ST6GALNAC5: variants seen among roughly 807,000 people sequenced by gnomAD.
ST6GALNAC5 encodes ST6 N-acetylgalactosaminide alpha-2,6-sialyltransferase 5.
A neutral mutation model predicts 33.6 loss-of-function variants in ST6GALNAC5; 27 were observed. The observed-to-expected ratio is 0.80, with a 90% CI of 0.59 to 1.11. The LOEUF (loss-of-function observed/expected upper bound fraction) is 1.11, where lower values mean the gene tolerates loss of function less well. ST6GALNAC5 is among the 50% of genes least tolerant of loss of function. The pLI is 0.00. For synonymous variants in ST6GALNAC5, 194 were observed against 171.2 expected (o/e 1.13, Z -1.04); for missense variants, 428 against 454.0 (o/e 0.94, Z 0.52).
At chr1:76,882,923 C>A (rs918096097) in intron 2 of ST6GALNAC5, among the ~76,000 whole-genome samples, 20 of 152,088 alleles carry the variant, frequency 1.3e-4, no homozygotes, top group African/African-American at 4.8e-4. Context: ...CCAGGGATAC[C>A]GCTGCCCTCA....
chr1:77,043,649 C>T (rs114303593), intron 2 of ST6GALNAC5, among the ~76,000 whole-genome samples: 267 of 152,240 alleles, frequency 1.8e-3, no homozygotes, highest in Non-Finnish European at 3.2e-3. Flanking sequence ...GTATTTGGTA[C>T]AAACATATTT....
At chr1:76,952,514 A>C (rs1647790539) in intron 2 of ST6GALNAC5, among the ~76,000 whole-genome samples, 1 of 152,122 alleles carries the variant, frequency 6.6e-6, no homozygotes, top group East Asian at 1.9e-4. Context: ...ATTAACAATA[A>C]TACATAGATT....
At chr1:77,002,441 G>C (rs1650210554) in intron 2 of ST6GALNAC5, among the ~76,000 whole-genome samples, 1 of 152,044 alleles carries the variant, frequency 6.6e-6, no homozygotes, top group Non-Finnish European at 1.5e-5. Context: ...CAAAAAACCA[G>C]CTCCTGGATT....
intron 2 of ST6GALNAC5, among the ~76,000 whole-genome samples, chr1:76,872,068 AACACACACACACACACACACACAC>A (rs66721550): frequency 3.1e-5 from 4 of 130,222 alleles, no homozygotes; most frequent in Non-Finnish European, 4.9e-5. Flanking sequence ...TAACCAAGCT[AACACACACACACACACACACACAC>A]ACACACACAC....
chr1:76,911,911 C>G (rs148308596), intron 2 of ST6GALNAC5, among the ~76,000 whole-genome samples: 71,667 of 151,458 alleles, frequency 0.47, 17,414 homozygotes, highest in African/African-American at 0.57. Context: ...GGGCTTTTTA[C>G]GTCTCTATTT....
intron 2 of ST6GALNAC5, among the ~76,000 whole-genome samples, chr1:77,023,882 A>G (rs1023891561): frequency 6.6e-6 from 1 of 152,162 alleles, no homozygotes; most frequent in African/African-American, 2.4e-5. Context: ...TGCCATGAGC[A>G]GGTGTCCTGT....
At chr1:76,891,783 A>T (rs1449579216) in intron 2 of ST6GALNAC5, among the ~76,000 whole-genome samples, 1 of 152,178 alleles carries the variant, frequency 6.6e-6, no homozygotes, top group Non-Finnish European at 1.5e-5. Context: ...GTCCAGCTTC[A>T]TCTCTGGCAT....
intron 2 of ST6GALNAC5, among the ~76,000 whole-genome samples, chr1:76,875,928 A>G (rs541267419): frequency 6.6e-6 from 1 of 152,208 alleles, no homozygotes; most frequent in African/African-American, 2.4e-5. Flanking sequence ...GATGGGGAAC[A>G]TGGTAAGACC....
chr1:76,987,198 CAAT>C (rs752524618), intron 2 of ST6GALNAC5, among the ~76,000 whole-genome samples: 17 of 151,676 alleles, frequency 1.1e-4, no homozygotes, highest in Admixed American at 7.9e-4. Context: ...TAAACAAAAT[CAAT>C]AATAAGAAAA....
chr1:76,981,867 C>G (rs1412281136), intron 2 of ST6GALNAC5, among the ~76,000 whole-genome samples: 1 of 152,194 alleles, frequency 6.6e-6, no homozygotes, highest in African/African-American at 2.4e-5. Context: ...CCCAGGCAAA[C>G]AGGGTCTGGA....
chr1:77,016,510 C>G (rs187790556), intron 2 of ST6GALNAC5, among the ~76,000 whole-genome samples: 153 of 152,004 alleles, frequency 1.0e-3, no homozygotes, highest in Non-Finnish European at 1.3e-3. Context: ...TCATTGCACA[C>G]TCAAACATCC....
At position 76,950,604 on chromosome 1, in the gene ST6GALNAC5, T is replaced by C. The variant is rs532378290; in HGVS notation, c.261+81862T>C. On this transcript the variant is annotated intron_variant, in intron 2 of 4. Transcript: ENST00000477717. Reference sequence around the variant, plus strand: ...AAGCCAAAGACATGGGTAACAGTTATATAAGGGAGAGATGGGACCGATGTC... The same window carrying C: ...AAGCCAAAGACATGGGTAACAGTTACATAAGGGAGAGATGGGACCGATGTC... 2.6e-5 allele frequency among the ~76,000 whole-genome samples: 4 copies of C among 152,124 alleles called. No individual in the cohort carries two copies. In the East Asian group the frequency reaches 7.8e-4, roughly 30 times the overall value.
At position 77,044,447 on chromosome 1, in the gene ST6GALNAC5, A is replaced by T. The variant is rs1400167673; in HGVS notation, c.505A>T (p.Ile169Phe). Residue 169 changes from isoleucine to phenylalanine, a missense_variant, in exon 3 of 5, where the codon ATC becomes TTC. Coordinates refer to ENST00000477717, the MANE Select transcript of ST6GALNAC5 (RefSeq NM_030965.3). ...LLNVSQGTVF[I>F]FWGPSSYMRR... is the part of the protein sequence containing the mutation. The stretch of plus-strand genomic sequence containing the variant: ...CAACGTGAGCCAGGGCACCGTGTTC[A>T]TCTTCTGGGGCCCCAGCAGCTACAT... 5 of 1,613,388 alleles carry T rather than the reference A, an allele frequency of 3.1e-6. No individual in the cohort carries two copies. Among genetic ancestry groups the T allele is most frequent in the Non-Finnish European group, 4.2e-6 (5 of 1,179,652 alleles).
chr1:77,043,850 G>A (rs1160935039), intron 2 of ST6GALNAC5, among the ~76,000 whole-genome samples: 1 of 152,102 alleles, frequency 6.6e-6, no homozygotes, highest in Non-Finnish European at 1.5e-5. Context: ...GGGCAACTTT[G>A]GACAAATTTG....
rs766148616 is a variant in ST6GALNAC5, at chr1:77,061,344, CA to C, written c.780-1630del. 6.3e-3 allele frequency among the ~76,000 whole-genome samples: 963 copies of C among 152,298 alleles called. 4 individuals are homozygous for C. The highest frequency in any genetic ancestry group is 1.0e-2 in the Non-Finnish European group (677 of 68,000). Reference sequence around the variant, plus strand: ...GGTTTATTGTTGTCAGAGCCAAAAACATGACACCCCTCTTGATAAAAGACTT... The same window carrying C: ...GGTTTATTGTTGTCAGAGCCAAAAACTGACACCCCTCTTGATAAAAGACTT... On this transcript the variant is annotated intron_variant, in intron 4 of 4. Coordinates refer to ENST00000477717, the MANE Select transcript of ST6GALNAC5 (RefSeq NM_030965.3).
intron 2 of ST6GALNAC5, among the ~76,000 whole-genome samples, chr1:76,881,001 A>G (rs1365845793): frequency 6.6e-6 from 1 of 152,194 alleles, no homozygotes; most frequent in African/African-American, 2.4e-5. Context: ...GTGTGAAAGG[A>G]CTTTGAAAAA....
intron 2 of ST6GALNAC5, among the ~76,000 whole-genome samples, chr1:77,036,343 G>A (rs1367535576): frequency 6.6e-6 from 1 of 152,034 alleles, no homozygotes; most frequent in East Asian, 1.9e-4. Context: ...TCATGCTGAT[G>A]GTTGCCCAAC....
chr1:76,937,743 A>G (rs1005531720), intron 2 of ST6GALNAC5, among the ~76,000 whole-genome samples: 6 of 152,102 alleles, frequency 3.9e-5, no homozygotes, highest in African/African-American at 1.4e-4. Flanking sequence ...CACATGAAAG[A>G]AACACTTTTC....
intron 2 of ST6GALNAC5, among the ~76,000 whole-genome samples, chr1:77,022,779 T>C (rs1391980274): frequency 6.6e-6 from 1 of 152,216 alleles, no homozygotes; most frequent in Non-Finnish European, 1.5e-5. Context: ...GAAAATGGGA[T>C]ACTTTTTTGT....
Sources: gnomAD v4.1 joint callset for allele counts (sites outside exome capture counted in the v4.1 genomes callset) on GRCh38, gnomAD v4.1.1 for gene constraint, MANE v1.5 for transcripts, NCBI Gene and HGNC (gene_info 2026-07-23, HGNC 2026-07-21) for gene names.